SLC28A1: variants seen among roughly 807,000 people sequenced by gnomAD.
SLC28A1 encodes the protein sodium/nucleoside cotransporter 1.
Under a neutral mutation model 74.8 loss-of-function variants are expected in SLC28A1, and 64 were observed. That is an observed-to-expected ratio of 0.86 (90% CI 0.70 to 1.05). SLC28A1 has a LOEUF of 1.05. Among genes scored for constraint, SLC28A1 ranks in the 50% least tolerant of loss-of-function variants. SLC28A1 has a pLI of 0.00. For missense variants in SLC28A1, 828 were observed against 822.8 expected, an observed-to-expected ratio of 1.01 and a Z score of -0.08; for synonymous variants, 359 against 335.0, an observed-to-expected ratio of 1.07 and a Z score of -0.78.
At chr15:84,893,383 C>T (rs1184035499) in intron 5 of SLC28A1, among the ~76,000 whole-genome samples, 1 of 152,248 alleles carries the variant, frequency 6.6e-6, no homozygotes, top group Non-Finnish European at 1.5e-5. Flanking sequence ...TGGGGCTCCA[C>T]CCGTGTGTCT....
intron 8 of SLC28A1, 102 bp from the exon 9 acceptor site, chr15:84,908,616 C>T (rs1195930337): frequency 1.1e-6 from 1 of 951,522 alleles, no homozygotes; most frequent in Admixed American, 1.9e-5. Context: ...CCTGGGGGGA[C>T]TACGTCCCTG....
the SLC28A1 span, among the ~76,000 whole-genome samples, chr15:84,951,728 G>T: frequency 3.9e-5 from 6 of 152,082 alleles, no homozygotes. Context: ...GTAACATGGG[G>T]CTGGTACATT....
chr15:84,912,793 A>G (rs1968454854), intron 9 of SLC28A1, among the ~76,000 whole-genome samples: 1 of 107,778 alleles, frequency 9.3e-6, no homozygotes, highest in Non-Finnish European at 1.8e-5. Flanking sequence ...ACAGTGCCAA[A>G]TTTTGCGCGC....
chr15:84,951,328 T>C, the SLC28A1 span, among the ~76,000 whole-genome samples: 2 of 151,794 alleles, frequency 1.3e-5, no homozygotes, highest in East Asian at 1.9e-4. Context: ...TCCCAGCTGC[T>C]TGGGAGGCTG....
At chr15:84,891,946 G>A (rs1567117737) in intron 5 of SLC28A1, among the ~76,000 whole-genome samples, 1 of 152,060 alleles carries the variant, frequency 6.6e-6, no homozygotes, top group African/African-American at 2.4e-5. Context: ...GTCCGATGGA[G>A]CAAGGTCCCC....
intron 9 of SLC28A1, among the ~76,000 whole-genome samples, chr15:84,911,163 C>T (rs903639593): frequency 1.3e-5 from 2 of 151,842 alleles, no homozygotes; most frequent in Admixed American, 6.5e-5. Flanking sequence ...GTCTCTCCTG[C>T]GTCATTGCTG....
chr15:84,904,047 G>A (rs1306715662), intron 6 of SLC28A1, 50 bp from the exon 7 acceptor site: 1 of 1,613,242 alleles, frequency 6.2e-7, no homozygotes, highest in Non-Finnish European at 8.5e-7. Context: ...TGTGTGGGTG[G>A]GGTGGGGGTG....
chr15:84,927,982 A>G (rs1018744950), intron 12 of SLC28A1, among the ~76,000 whole-genome samples: 1 of 152,224 alleles, frequency 6.6e-6, no homozygotes, highest in African/African-American at 2.4e-5. Flanking sequence ...GTCCCCTTAG[A>G]CAACGAAAAG....
chr15:84,933,559 C>G (rs1971553060), intron 13 of SLC28A1, among the ~76,000 whole-genome samples: 1 of 152,182 alleles, frequency 6.6e-6, no homozygotes. Context: ...CGAGAGCCTT[C>G]TTGCTGCTGG....
intron 8 of SLC28A1, among the ~76,000 whole-genome samples, chr15:84,908,461 G>C: frequency 6.6e-6 from 1 of 152,132 alleles, no homozygotes; most frequent in East Asian, 1.9e-4. Context: ...TGAGATTACA[G>C]GTGTGAGCCA....
At chr15:84,943,054 C>T (rs1029927435) in intron 15 of SLC28A1, among the ~76,000 whole-genome samples, 14 of 151,966 alleles carry the variant, frequency 9.2e-5, no homozygotes, top group African/African-American at 1.9e-4. Context: ...GGCGTGGTGG[C>T]GGGCACCTAT....
intron 12 of SLC28A1, among the ~76,000 whole-genome samples, chr15:84,930,491 A>T (rs1378313401): frequency 6.6e-6 from 1 of 152,186 alleles, no homozygotes; most frequent in African/African-American, 2.4e-5. Context: ...TGGGGTTTAG[A>T]AAAAGAAGAA....
chr15:84,933,358 A>G lies in SLC28A1; in HGVS notation c.1214+83A>G, dbSNP rs542636692. 2,371 of 1,517,950 alleles carry G rather than the reference A, an allele frequency of 1.6e-3. 5 individuals are homozygous for G. Among genetic ancestry groups the G allele is most frequent in the Non-Finnish European group, 2.0e-3 (2,194 of 1,113,010 alleles). 94.0% of individuals were successfully genotyped at this position (1,517,950 alleles called of 1,614,324 possible). ...GCAGAGGGTCCCGTTCTCTCTGTCC[A>G]TCACTGTCTTCCACTAGCCTGGGCC... is the stretch of plus-strand genomic sequence containing the variant. On this transcript the variant is annotated intron_variant, in intron 13 of 18. Transcript: ENST00000394573.
intron 9 of SLC28A1, 84 bp downstream of exon 9, chr15:84,908,879 GC>G: frequency 8.7e-7 from 1 of 1,145,658 alleles, no homozygotes; most frequent in Non-Finnish European, 1.3e-6. Flanking sequence ...CATGGTGGGG[GC>G]CCAGGTGGAG....
chr15:84,946,106 ATATATATTTT>A (rs1267240015), downstream of SLC28A1, among the ~76,000 whole-genome samples: 3 of 11,354 alleles, frequency 2.6e-4, no homozygotes, highest in African/African-American at 8.9e-4. Context: ...ATATATATAT[ATATATATTTT>A]TTTTTTTTTT....
intron 9 of SLC28A1, among the ~76,000 whole-genome samples, chr15:84,912,435 C>T (rs747761104): frequency 1.3e-5 from 2 of 152,124 alleles, no homozygotes; most frequent in Non-Finnish European, 2.9e-5. Context: ...AGTAAAGTCT[C>T]TCCCTAGGGC....
chr15:84,927,144 A>G (rs921787862), intron 12 of SLC28A1, among the ~76,000 whole-genome samples: 1 of 28,450 alleles, frequency 3.5e-5, no homozygotes, highest in South Asian at 7.3e-4. Context: ...TGAGGCCTAG[A>G]AAAGGGCTCA....
chr15:84,943,150 C>A (rs1972901063), intron 15 of SLC28A1, among the ~76,000 whole-genome samples: 1 of 152,170 alleles, frequency 6.6e-6, no homozygotes, highest in Non-Finnish European at 1.5e-5. Flanking sequence ...TGTGCCACTG[C>A]ACTCCAGCCT....
At chr15:84,962,668 G>A in the SLC28A1 span, among the ~76,000 whole-genome samples, 1 of 152,134 alleles carries the variant, frequency 6.6e-6, no homozygotes, top group Non-Finnish European at 1.5e-5. Flanking sequence ...CAAACTCCTA[G>A]TGCTGGGATT....
Sources: allele counts gnomAD v4.1 joint callset (sites outside exome capture counted in the v4.1 genomes callset), GRCh38; gene constraint gnomAD v4.1.1; transcripts MANE v1.5; gene names NCBI Gene and HGNC (gene_info 2026-07-23, HGNC 2026-07-21).